The following QKI variants were observed in gnomAD, a reference collection of about 807,000 sequenced individuals.
QKI encodes KH domain-containing RNA-binding protein QKI.
Under a neutral mutation model 39.0 loss-of-function variants are expected in QKI, and 10 were observed. The observed-to-expected ratio is 0.26, with a 90% CI of 0.16 to 0.43. QKI has a LOEUF of 0.43. Among genes scored for constraint, QKI ranks in the 20% least tolerant of loss-of-function variants. The pLI is 1.00. For missense variants in QKI, 218 were observed against 428.0 expected, an observed-to-expected ratio of 0.51 and a Z score of 4.33; for synonymous variants, 204 against 155.4, an observed-to-expected ratio of 1.31 and a Z score of -2.33.
chr6:163,481,208 C>G (rs990934747), intron 3 of QKI, among the ~76,000 whole-genome samples: 2 of 152,154 alleles, frequency 1.3e-5, no homozygotes, highest in Non-Finnish European at 2.9e-5. Flanking sequence ...AACTTTTCTA[C>G]AGAGTTGTCC....
At position 163,577,213 on chromosome 6, in the gene QKI, C is replaced by A. The variant is rs982444215; in HGVS notation, c.*6503C>A. 6.6e-6 allele frequency: 1 copy of A among 152,144 alleles called. No individual in the cohort carries two copies. Among genetic ancestry groups the A allele is most frequent in the African/African-American group, 2.4e-5 (1 of 41,434 alleles). The allele number at this position is 152,144 out of a possible 1,614,324, so 9.4% of individuals were successfully genotyped here. A position where few individuals can be genotyped will look rare whatever the true frequency, so the allele number is the denominator to read the frequency against. On this transcript the variant is annotated 3_prime_UTR_variant, in exon 8 of 8. Transcript: ENST00000361752. ...TATCATCTCCAAGTACCTCTGGCTC[C>A]TTTCCTCTTGCTCACCGGAACCTTA...
chr6:163,561,956 T>G lies in QKI; in HGVS notation c.547-26T>G, dbSNP rs200565244. On this transcript the variant is annotated intron_variant, in intron 4 of 7. Coordinates refer to ENST00000361752, the MANE Select transcript of QKI (RefSeq NM_006775.3). ...TATTTGTGGACAGTCTCAAATGCTT[T>G]CATCTCATGTGTTTTCCATGTATAG... 1.9e-6 allele frequency: 3 copies of G among 1,585,408 alleles called. No individual in the cohort carries two copies. The African/African-American group carries it at 4.0e-5, about 21-fold the overall frequency.
intron 4 of QKI, among the ~76,000 whole-genome samples, chr6:163,552,900 A>G (rs998193198): frequency 2.1e-4 from 32 of 151,862 alleles, no homozygotes; most frequent in African/African-American, 7.7e-4. Context: ...TTGTCAGGCA[A>G]TCATTACAAC....
chr6:163,448,742 A>C (rs1267154297), intron 1 of QKI, among the ~76,000 whole-genome samples: 1 of 152,092 alleles, frequency 6.6e-6, no homozygotes, highest in African/African-American at 2.4e-5. Context: ...CATCTCAAAA[A>C]TAAATAAGTA....
intron 7 of QKI, chr6:163,569,507 T>C: frequency 7.9e-7 from 1 of 1,264,444 alleles, no homozygotes; most frequent in Non-Finnish European, 1.0e-6. Flanking sequence ...AGCTGTTGAA[T>C]GAGTCTTAAA....
chr6:163,547,168 A>G (rs1474847767), intron 4 of QKI, among the ~76,000 whole-genome samples: 2 of 152,148 alleles, frequency 1.3e-5, no homozygotes, highest in Admixed American at 6.6e-5. Context: ...TTAATTTAGC[A>G]TTTGTGGAAT....
chr6:163,553,172 C>T (rs1053936183), intron 4 of QKI, among the ~76,000 whole-genome samples: 3 of 150,366 alleles, frequency 2.0e-5, no homozygotes, highest in African/African-American at 7.3e-5. Context: ...GGCACGATCT[C>T]GGCTCACTGC....
intron 1 of QKI, among the ~76,000 whole-genome samples, chr6:163,420,433 A>T (rs11964626): frequency 3.9e-5 from 6 of 152,122 alleles, no homozygotes; most frequent in African/African-American, 1.4e-4. Context: ...CTTAAAAGGC[A>T]GCCCACTGAG....
chr6:163,573,112 A>C lies in QKI; in HGVS notation c.*2402A>C, dbSNP rs563398286. 6.6e-6 allele frequency: 1 copy of C among 152,326 alleles called. No individual in the cohort carries two copies. The highest frequency in any genetic ancestry group is 2.1e-4 in the South Asian group (1 of 4,822). 9.4% of individuals were successfully genotyped at this position (152,326 alleles called of 1,614,324 possible). On this transcript the variant is annotated 3_prime_UTR_variant, in exon 8 of 8. Coordinates refer to ENST00000361752, the MANE Select transcript of QKI (RefSeq NM_006775.3). ...GGGGAAGAAAGTAAATGTATGAAAT[A>C]ATAAATGTGTGACATTTATAGGGAA... is the stretch of plus-strand genomic sequence containing the variant.
At position 163,415,118 on chromosome 6, in the gene QKI, G is replaced by T. The variant is rs1437405600; in HGVS notation, c.-76G>T. 6 of 1,113,124 alleles carry T rather than the reference G, an allele frequency of 5.4e-6. No homozygotes were observed. Among genetic ancestry groups the T allele is most frequent in the East Asian group, 1.2e-4 (2 of 16,330 alleles). 69.0% of individuals were successfully genotyped at this position (1,113,124 alleles called of 1,614,324 possible). A position where few individuals can be genotyped will look rare whatever the true frequency, so the allele number is the denominator to read the frequency against. ...GGGTCCCGAGCGGCCCGCGGCCGGG[G>T]CTCGCCCCCGCCCCTCCCTCCTCTC... On this transcript the variant is annotated 5_prime_UTR_variant, in exon 1 of 8. Coordinates refer to ENST00000361752, the MANE Select transcript of QKI (RefSeq NM_006775.3).
chr6:163,428,428 TTA>T (rs1297157493), intron 1 of QKI, among the ~76,000 whole-genome samples: 6 of 152,318 alleles, frequency 3.9e-5, no homozygotes, highest in African/African-American at 1.4e-4. Context: ...TTATTTCTGT[TTA>T]TTAAAATAAA....
At chr6:163,454,295 A>G (rs1562449465) in intron 1 of QKI, among the ~76,000 whole-genome samples, 1 of 152,112 alleles carries the variant, frequency 6.6e-6, no homozygotes. Context: ...TTAAAATAGA[A>G]TTCTCCTACT....
At chr6:163,435,835 C>T (rs951687092) in intron 1 of QKI, among the ~76,000 whole-genome samples, 6 of 152,102 alleles carry the variant, frequency 3.9e-5, no homozygotes. Flanking sequence ...TATAAATGAT[C>T]AGTCTTTACT....
chr6:163,455,012 G>A (rs892214445), intron 1 of QKI, among the ~76,000 whole-genome samples: 6 of 152,120 alleles, frequency 3.9e-5, no homozygotes, highest in Admixed American at 2.6e-4. Flanking sequence ...ATATTATACC[G>A]GTTAGGAAGG....
At chr6:163,445,167 A>G (rs1359928723) in intron 1 of QKI, among the ~76,000 whole-genome samples, 1 of 152,182 alleles carries the variant, frequency 6.6e-6, no homozygotes, top group Admixed American at 6.5e-5. Flanking sequence ...TAACAGTGGA[A>G]AAAAATAATG....
intron 4 of QKI, among the ~76,000 whole-genome samples, chr6:163,544,777 G>A (rs1383159040): frequency 6.6e-6 from 1 of 151,996 alleles, no homozygotes; most frequent in East Asian, 1.9e-4. Context: ...CTGAAAATGT[G>A]GATGCGTCTT....
Position 163,417,427 on chromosome 6 carries a change from A to T in QKI, c.142+2092A>T, listed in dbSNP as rs184423367. Among the ~76,000 whole-genome samples the T allele has an allele frequency of 4.6e-5, 7 of 152,310 alleles. No individual in the cohort carries two copies. The East Asian group carries it at 9.6e-4, about 21-fold the overall frequency. On this transcript the variant is annotated intron_variant, in intron 1 of 7. Coordinates refer to ENST00000361752, the MANE Select transcript of QKI (RefSeq NM_006775.3). ...TTGAAAATACTTTCACCTTATGTAT[A>T]CTATTTAAAAAGCTGCATACTTTTG... is the stretch of plus-strand genomic sequence containing the variant.
intron 2 of QKI, among the ~76,000 whole-genome samples, chr6:163,460,680 A>G (rs552689188): frequency 2.6e-5 from 4 of 152,262 alleles, no homozygotes; most frequent in African/African-American, 4.8e-5. Context: ...ATCTTTCCTT[A>G]AAGTCTTTGT....
chr6:163,561,852 CT>C (rs923273880), intron 4 of QKI, 129 bp from the exon 5 acceptor site: 15 of 595,370 alleles, frequency 2.5e-5, no homozygotes, highest in Admixed American at 7.3e-5. Flanking sequence ...GGTTCTTGAT[CT>C]TTTTTTCCCC....
Sources: allele counts gnomAD v4.1 joint callset (sites outside exome capture counted in the v4.1 genomes callset), GRCh38; gene constraint gnomAD v4.1.1; transcripts MANE v1.5; gene names NCBI Gene and HGNC (gene_info 2026-07-23, HGNC 2026-07-21).